The following PPIL4 variants were observed in gnomAD, a reference collection of about 807,000 sequenced individuals.
The protein encoded by PPIL4 is peptidyl-prolyl cis-trans isomerase-like 4.
A neutral mutation model predicts 69.1 loss-of-function variants in PPIL4; 50 were observed. The observed-to-expected ratio is 0.72, with a 90% CI of 0.58 to 0.92. The LOEUF (loss-of-function observed/expected upper bound fraction) is 0.92, where lower values mean the gene tolerates loss of function less well. Ranked by LOEUF, PPIL4 falls within the 40% of genes least tolerant of loss-of-function variation. The pLI is 0.00. For synonymous variants in PPIL4, 193 were observed against 191.6 expected (o/e 1.01, Z -0.06); for missense variants, 480 against 587.9 (o/e 0.82, Z 1.90).
intron 9 of PPIL4, among the ~76,000 whole-genome samples, chr6:149,521,616 T>C (rs1168470550): frequency 6.6e-6 from 1 of 152,232 alleles, no homozygotes; most frequent in African/African-American, 2.4e-5. Flanking sequence ...ATGACCTTTT[T>C]TTATCCACTT....
In PPIL4 at chr6:149,536,882, C is replaced by T. The variant is rs577268911; in HGVS notation, c.322-1144G>A. ...GGCTCACGCCTATGTAATCCCAGCA[C>T]TTTAGGAGGCCGAGGCAGGCAGATC... On this transcript the variant is annotated intron_variant, in intron 4 of 12. Coordinates refer to ENST00000253329, the MANE Select transcript of PPIL4 (RefSeq NM_139126.4). Among the ~76,000 whole-genome samples, 15 of 152,278 alleles carry T rather than the reference C, an allele frequency of 9.9e-5. No individual in the cohort carries two copies. In the South Asian group the frequency reaches 3.1e-3, roughly 32 times the overall value.
intron 12 of PPIL4, among the ~76,000 whole-genome samples, chr6:149,509,631 T>C (rs904955853): frequency 2.6e-5 from 4 of 152,356 alleles, no homozygotes; most frequent in African/African-American, 9.6e-5. Context: ...TTAGATCACA[T>C]TGGAATATTA....
Position 149,535,532 on chromosome 6 carries a change from T to G in PPIL4, c.464+64A>C, listed in dbSNP as rs187437211. 25 of 1,319,114 alleles carry G rather than the reference T, an allele frequency of 1.9e-5. No individual in the cohort carries two copies. In the African/African-American group the frequency reaches 3.2e-4, roughly 17 times the overall value. 81.7% of individuals were successfully genotyped at this position (1,319,114 alleles called of 1,614,324 possible). On this transcript the variant is annotated intron_variant, in intron 5 of 12. Transcript: ENST00000253329. ...TGCATACCGTTCCTATCCATACCAC[T>G]ACGTGTTAAACATCTCAATATTAAA...
intron 4 of PPIL4, among the ~76,000 whole-genome samples, chr6:149,539,898 G>C (rs186859581): frequency 1.3e-5 from 2 of 152,180 alleles, no homozygotes; most frequent in African/African-American, 4.8e-5. Flanking sequence ...GGGAGGCCAA[G>C]GCAGGTGGAT....
intron 6 of PPIL4, among the ~76,000 whole-genome samples, chr6:149,534,269 C>G (rs1777240934): frequency 6.6e-6 from 1 of 152,204 alleles, no homozygotes; most frequent in South Asian, 2.1e-4. Context: ...ACAAATTCAG[C>G]TTTCAGGAAG....
rs1177879864 is a variant in PPIL4 at position 149,535,595 on chromosome 6, C to T, written c.464+1G>A. 1 of 1,606,230 alleles carries T rather than the reference C, an allele frequency of 6.2e-7. No individual in the cohort carries two copies. Among genetic ancestry groups the T allele is most frequent in the African/African-American group, 1.3e-5 (1 of 74,604 alleles). ...ATTCAGATAGCAAATTGTAACCATACCTGATATCCTGATATGGTACAAAGT... is the reference window on the plus strand; with the variant it reads ...ATTCAGATAGCAAATTGTAACCATATCTGATATCCTGATATGGTACAAAGT... On this transcript the variant is annotated splice_donor_variant, in intron 5 of 12. Transcript: ENST00000253329. LOFTEE classifies it high-confidence loss of function.
At chr6:149,540,671 T>C (rs946971049) in intron 4 of PPIL4, among the ~76,000 whole-genome samples, 1 of 152,174 alleles carries the variant, frequency 6.6e-6, no homozygotes, top group African/African-American at 2.4e-5. Context: ...GAGCCACAAA[T>C]GTGAACAGTG....
chr6:149,507,458 T>TA (rs1329304590), intron 12 of PPIL4, among the ~76,000 whole-genome samples: 1 of 152,238 alleles, frequency 6.6e-6, no homozygotes, highest in Non-Finnish European at 1.5e-5. Flanking sequence ...CATTCTGAGA[T>TA]AAAAGAATTT....
intron 11 of PPIL4, among the ~76,000 whole-genome samples, chr6:149,515,303 G>C (rs1776926793): frequency 6.6e-6 from 1 of 151,978 alleles, no homozygotes; most frequent in African/African-American, 2.4e-5. Context: ...TTAAATGATG[G>C]ATCATACGAA....
Position 149,541,346 on chromosome 6 carries a change from TAAATAAATAAAACAAC to T in PPIL4, c.203+5_203+20del. 2 of 1,073,130 alleles carry T rather than the reference TAAATAAATAAAACAAC, an allele frequency of 1.9e-6. No individual in the cohort carries two copies. Among genetic ancestry groups the T allele is most frequent in the Non-Finnish European group, 2.5e-6 (2 of 798,166 alleles). The allele number at this position is 1,073,130 out of a possible 1,614,324, so 66.5% of individuals were successfully genotyped here. A position where few individuals can be genotyped will look rare whatever the true frequency, so the allele number is the denominator to read the frequency against. ...ATAAATAAATAAATAAATAAATAAATAAATAAATAAAACAACTTACCCAAAGATAGACTCTCCTCCA... is the reference window on the plus strand; with the variant it reads ...ATAAATAAATAAATAAATAAATAAATTTACCCAAAGATAGACTCTCCTCCA... On this transcript the variant is annotated splice_donor_5th_base_variant and intron_variant, in intron 3 of 12. Transcript: ENST00000253329.
chr6:149,539,765 C>T (rs1777332876), intron 4 of PPIL4, among the ~76,000 whole-genome samples: 1 of 152,220 alleles, frequency 6.6e-6, no homozygotes, highest in African/African-American at 2.4e-5. Context: ...AACATCAAGG[C>T]AAGACCCTTC....
At chr6:149,508,335 G>C (rs768348160) in intron 12 of PPIL4, among the ~76,000 whole-genome samples, 15 of 152,086 alleles carry the variant, frequency 9.9e-5, no homozygotes, top group Non-Finnish European at 2.1e-4. Flanking sequence ...AATTAGATAA[G>C]GTCTAGGTCC....
intron 9 of PPIL4, among the ~76,000 whole-genome samples, chr6:149,524,736 C>A (rs186719457): frequency 4.6e-5 from 7 of 152,032 alleles, no homozygotes; most frequent in Admixed American, 2.6e-4. Context: ...CCTGTCTCTA[C>A]TAAAAATACA....
At chr6:149,517,306 T>G (rs751913578) in intron 11 of PPIL4, 48 bp downstream of exon 11, 1 of 998,192 alleles carries the variant, frequency 1.0e-6, no homozygotes, top group African/African-American at 1.6e-5. Flanking sequence ...ACTCTACACA[T>G]AGCAGATGGT....
chr6:149,517,297 C>A (rs769943472), intron 11 of PPIL4, 57 bp downstream of exon 11: 23 of 939,374 alleles, frequency 2.4e-5, no homozygotes, highest in African/African-American at 4.9e-5. Flanking sequence ...TCACACAGTA[C>A]TCTACACATA....
chr6:149,524,134 G>A (rs1777072246), intron 9 of PPIL4, among the ~76,000 whole-genome samples: 1 of 152,308 alleles, frequency 6.6e-6, no homozygotes, highest in Non-Finnish European at 1.5e-5. Context: ...ATAGCACAGT[G>A]TAAACTCAAT....
In PPIL4 at chr6:149,517,480, T is replaced by C. The variant is rs767952044; in HGVS notation, c.983-30A>G. ...TTATTAAGAAAAGAAAAAAAGAGCTTAGTAAAAAAACCACCTAACCAAGAA... is the reference window on the plus strand; with the variant it reads ...TTATTAAGAAAAGAAAAAAAGAGCTCAGTAAAAAAACCACCTAACCAAGAA... On this transcript the variant is annotated intron_variant, in intron 10 of 12. Coordinates refer to ENST00000253329, the MANE Select transcript of PPIL4 (RefSeq NM_139126.4). 1.1e-5 allele frequency: 13 copies of C among 1,230,296 alleles called. No homozygotes were observed. The East Asian group carries it at 1.9e-4, about 18-fold the overall frequency. The allele number at this position is 1,230,296 out of a possible 1,614,324, so 76.2% of individuals were successfully genotyped here. A position where few individuals can be genotyped will look rare whatever the true frequency, so the allele number is the denominator to read the frequency against.
intron 1 of PPIL4, among the ~76,000 whole-genome samples, chr6:149,542,865 T>C (rs1484788692): frequency 6.6e-6 from 1 of 152,162 alleles, no homozygotes; most frequent in Non-Finnish European, 1.5e-5. Flanking sequence ...AGTTCTGTAA[T>C]AGTCTGGTAT....
chr6:149,505,390 C>T lies in PPIL4; in HGVS notation c.*63G>A. The T allele has an allele frequency of 6.7e-7, 1 of 1,491,286 alleles. No homozygotes were observed. The highest frequency in any genetic ancestry group is 1.4e-5 in the African/African-American group (1 of 71,092). 92.4% of individuals were successfully genotyped at this position (1,491,286 alleles called of 1,614,324 possible). A position where few individuals can be genotyped will look rare whatever the true frequency, so the allele number is the denominator to read the frequency against. On this transcript the variant is annotated 3_prime_UTR_variant, in exon 13 of 13. Coordinates refer to ENST00000253329, the MANE Select transcript of PPIL4 (RefSeq NM_139126.4). The stretch of plus-strand genomic sequence containing the variant: ...GACACAAAATCTAAGCATCTGCTTT[C>T]CTGGCACTCTTAAGTTAGACAAGAG...
Sources: allele counts gnomAD v4.1 joint callset (sites outside exome capture counted in the v4.1 genomes callset), GRCh38; gene constraint gnomAD v4.1.1; transcripts MANE v1.5; gene names NCBI Gene and HGNC (gene_info 2026-07-23, HGNC 2026-07-21).